DPP10: variants seen among roughly 807,000 people sequenced by gnomAD.
DPP10 encodes dipeptidyl peptidase like 10.
DPP10 carries 33 observed loss-of-function variants against 120.9 expected under a neutral mutation model. The observed-to-expected ratio is 0.27, with a 90% CI of 0.21 to 0.37. The LOEUF (loss-of-function observed/expected upper bound fraction) is 0.37, where lower values mean the gene tolerates loss of function less well. Ranked by LOEUF, DPP10 falls within the 10% of genes least tolerant of loss-of-function variation. DPP10 has a pLI of 1.00. For missense variants in DPP10, 816 were observed against 942.8 expected (o/e 0.87, Z 1.76); for synonymous variants, 337 against 326.1 (o/e 1.03, Z -0.36).
intron 1 of DPP10, among the ~76,000 whole-genome samples, chr2:115,123,611 C>G (rs1277575621): frequency 1.3e-5 from 2 of 152,120 alleles, no homozygotes; most frequent in African/African-American, 4.8e-5. Context: ...CGGCTGATGA[C>G]AGATTCAGCT....
intron 3 of DPP10, among the ~76,000 whole-genome samples, chr2:115,454,417 A>G (rs1275123748): frequency 6.6e-6 from 1 of 151,722 alleles, no homozygotes; most frequent in Non-Finnish European, 1.5e-5. Context: ...CAGACAGTCA[A>G]GGTTGGTTTG....
chr2:114,608,813 T>G (rs1422812793), intron 1 of DPP10, among the ~76,000 whole-genome samples: 1 of 152,040 alleles, frequency 6.6e-6, no homozygotes, highest in Non-Finnish European at 1.5e-5. Context: ...CTACATATTC[T>G]GACATATAAA....
At chr2:114,540,157 G>A (rs1050097986) in intron 1 of DPP10, among the ~76,000 whole-genome samples, 1 of 152,148 alleles carries the variant, frequency 6.6e-6, no homozygotes, top group Non-Finnish European at 1.5e-5. Flanking sequence ...TCCAAATAAG[G>A]TATCAAATGC....
intron 1 of DPP10, among the ~76,000 whole-genome samples, chr2:115,265,807 G>A (rs751278955): frequency 4.6e-5 from 7 of 152,068 alleles, no homozygotes; most frequent in African/African-American, 7.2e-5. Flanking sequence ...GGCCAGGCGC[G>A]GTGGCTCACG....
intron 7 of DPP10, among the ~76,000 whole-genome samples, chr2:115,709,400 C>T (rs181019711): frequency 6.6e-6 from 1 of 152,118 alleles, no homozygotes; most frequent in Non-Finnish European, 1.5e-5. Flanking sequence ...CAGAATTTTC[C>T]GACGAAGTCT....
chr2:114,500,637 G>T (rs1174085416), intron 1 of DPP10, among the ~76,000 whole-genome samples: 1 of 152,042 alleles, frequency 6.6e-6, no homozygotes, highest in Admixed American at 6.6e-5. Context: ...AGCAAAGTAA[G>T]ATATTGATTG....
intron 19 of DPP10, among the ~76,000 whole-genome samples, chr2:115,796,487 A>G (rs1233433874): frequency 2.0e-5 from 3 of 152,160 alleles, no homozygotes; most frequent in Admixed American, 6.6e-5. Context: ...GTCCTCAAGA[A>G]TGAATTAAGT....
At chr2:114,697,749 CAAAA>C (rs1205351658) in intron 1 of DPP10, among the ~76,000 whole-genome samples, 2 of 89,052 alleles carry the variant, frequency 2.2e-5, no homozygotes, top group Non-Finnish European at 2.2e-5. Context: ...GACTCTGTCT[CAAAA>C]AAAAAAAAAA....
chr2:114,755,747 T>G (rs1031059842), intron 1 of DPP10, among the ~76,000 whole-genome samples: 19 of 152,292 alleles, frequency 1.2e-4, no homozygotes, highest in African/African-American at 3.8e-4. Context: ...CAAAGAAGAA[T>G]TTAGCCTGTG....
chr2:115,746,619 T>C (rs988872689), intron 10 of DPP10, among the ~76,000 whole-genome samples: 5 of 152,190 alleles, frequency 3.3e-5, no homozygotes, highest in African/African-American at 1.2e-4. Context: ...CTCCAGACAT[T>C]TAAGAATTTT....
At chr2:115,006,805 T>C (rs1701881520) in intron 1 of DPP10, among the ~76,000 whole-genome samples, 1 of 151,836 alleles carries the variant, frequency 6.6e-6, no homozygotes, top group Admixed American at 6.6e-5. Flanking sequence ...ATTAGACAGA[T>C]CAATGAGACA....
intron 1 of DPP10, among the ~76,000 whole-genome samples, chr2:114,972,990 G>A (rs563691386): frequency 2.0e-5 from 3 of 152,208 alleles, no homozygotes; most frequent in Admixed American, 6.5e-5. Flanking sequence ...TTTCATTTTT[G>A]CATTGCATTT....
At chr2:115,382,197 A>G (rs1400073731) in intron 3 of DPP10, among the ~76,000 whole-genome samples, 1 of 152,112 alleles carries the variant, frequency 6.6e-6, no homozygotes, top group African/African-American at 2.4e-5. Flanking sequence ...CTGCTGTGCT[A>G]TCAATCAGCG....
intron 1 of DPP10, among the ~76,000 whole-genome samples, chr2:115,197,587 A>G (rs17452755): frequency 0.063 from 9,613 of 152,178 alleles, 343 homozygotes; most frequent in Middle Eastern, 0.11. Flanking sequence ...TTAGGGTAAG[A>G]TATCTTATTG....
chr2:115,800,845 G>T (rs1241341070), intron 19 of DPP10, among the ~76,000 whole-genome samples: 5 of 152,052 alleles, frequency 3.3e-5, no homozygotes, highest in Admixed American at 3.3e-4. Flanking sequence ...TAGCCTTGTA[G>T]TATAGTTTGA....
At chr2:115,405,468 G>C (rs558688356) in intron 3 of DPP10, among the ~76,000 whole-genome samples, 1 of 152,122 alleles carries the variant, frequency 6.6e-6, no homozygotes, top group African/African-American at 2.4e-5. Context: ...TTCCTAGGCT[G>C]GTGTCGCATG....
At chr2:114,458,906 A>G (rs975977989) in intron 1 of DPP10, among the ~76,000 whole-genome samples, 1 of 152,202 alleles carries the variant, frequency 6.6e-6, no homozygotes, top group African/African-American at 2.4e-5. Flanking sequence ...GAAATGTGTT[A>G]TAATGAATAG....
At chr2:115,166,525 A>ATG (rs2052870990) in intron 1 of DPP10, among the ~76,000 whole-genome samples, 1 of 139,040 alleles carries the variant, frequency 7.2e-6, no homozygotes, top group African/African-American at 2.7e-5. Flanking sequence ...TATAATATAA[A>ATG]TATATATATA....
chr2:114,765,484 A>G (rs1680632285), intron 1 of DPP10, among the ~76,000 whole-genome samples: 1 of 152,164 alleles, frequency 6.6e-6, no homozygotes, highest in African/African-American at 2.4e-5. Context: ...AGTACAACAA[A>G]TACGAGAGAT....
Sources: allele counts gnomAD v4.1 joint callset (sites outside exome capture counted in the v4.1 genomes callset), GRCh38; gene constraint gnomAD v4.1.1; transcripts MANE v1.5; gene names NCBI Gene and HGNC (gene_info 2026-07-23, HGNC 2026-07-21).